The following FBXL7 variants were observed in gnomAD, a reference collection of about 807,000 sequenced individuals.
The protein encoded by FBXL7 is F-box and leucine rich repeat protein 7.
In FBXL7, 12 loss-of-function variants were observed where a neutral mutation model predicts 38.3. The observed-to-expected ratio is 0.31, with a 90% CI of 0.20 to 0.51. FBXL7 has a LOEUF of 0.51. Ranked by LOEUF, FBXL7 falls within the 20% of genes least tolerant of loss-of-function variation. FBXL7 has a pLI of 0.98. For synonymous variants in FBXL7, 297 were observed against 300.9 expected (o/e 0.99, Z 0.13); for missense variants, 567 against 676.4 (o/e 0.84, Z 1.79).
intron 2 of FBXL7, among the ~76,000 whole-genome samples, chr5:15,836,741 T>C (rs2126779386): frequency 6.6e-6 from 1 of 152,292 alleles, no homozygotes; most frequent in South Asian, 2.1e-4. Flanking sequence ...AGAGGTACTC[T>C]TCAAGTTTAG....
At chr5:15,524,404 A>G (rs1015548761) in intron 1 of FBXL7, among the ~76,000 whole-genome samples, 2 of 152,352 alleles carry the variant, frequency 1.3e-5, no homozygotes, top group African/African-American at 4.8e-5. Context: ...GACCTCTTCC[A>G]AGGAAACCTA....
chr5:15,835,480 G>C (rs1738569680), intron 2 of FBXL7, among the ~76,000 whole-genome samples: 1 of 152,180 alleles, frequency 6.6e-6, no homozygotes, highest in East Asian at 1.9e-4. Flanking sequence ...ATCATGTTTA[G>C]AAAGGTCACA....
intron 2 of FBXL7, among the ~76,000 whole-genome samples, chr5:15,865,492 C>T (rs1008669189): frequency 1.3e-5 from 2 of 152,148 alleles, no homozygotes; most frequent in Non-Finnish European, 2.9e-5. Flanking sequence ...AGACTTAATT[C>T]CTGCACTGCA....
chr5:15,508,618 T>A (rs1046618878), intron 1 of FBXL7, among the ~76,000 whole-genome samples: 4 of 152,176 alleles, frequency 2.6e-5, no homozygotes, highest in African/African-American at 9.6e-5. Flanking sequence ...TGAACCACGT[T>A]CCCTAGGAAA....
chr5:15,879,082 ATTAT>A (rs1740332804), intron 2 of FBXL7, among the ~76,000 whole-genome samples: 2 of 152,308 alleles, frequency 1.3e-5, no homozygotes, highest in South Asian at 4.1e-4. Context: ...TTTCTCAAGA[ATTAT>A]TTCTGTCTTG....
rs566245060 is a variant in FBXL7, at chr5:15,613,516, G to C, written c.38-2467G>C. Among the ~76,000 whole-genome samples, 4 of 152,278 alleles carry C rather than the reference G, an allele frequency of 2.6e-5. No homozygotes were observed. In the South Asian group the frequency reaches 8.3e-4, roughly 32 times the overall value. ...GCTGTGGAAGGGGTGGGGACGAAGG[G>C]AATAACAGATTTGTTCAGAGCCTAA... On this transcript the variant is annotated intron_variant, in intron 1 of 3. Transcript: ENST00000504595.
At chr5:15,583,613 T>G (rs939530826) in intron 1 of FBXL7, among the ~76,000 whole-genome samples, 2 of 152,202 alleles carry the variant, frequency 1.3e-5, no homozygotes, top group African/African-American at 4.8e-5. Context: ...AGCTCCAAAA[T>G]GATCTCCTTT....
At chr5:15,904,793 A>C (rs571671737) in intron 2 of FBXL7, among the ~76,000 whole-genome samples, 2 of 152,246 alleles carry the variant, frequency 1.3e-5, no homozygotes, top group East Asian at 3.9e-4. Context: ...AAAAGTACTA[A>C]TATCTGGCCA....
intron 1 of FBXL7, among the ~76,000 whole-genome samples, chr5:15,539,496 T>C (rs1737676295): frequency 6.6e-6 from 1 of 152,178 alleles, no homozygotes; most frequent in Non-Finnish European, 1.5e-5. Context: ...GTTTTCCATT[T>C]GGGCTGTGTT....
chr5:15,616,545 GTTTC>G (rs1204188171), intron 2 of FBXL7, among the ~76,000 whole-genome samples: 3 of 152,122 alleles, frequency 2.0e-5, no homozygotes, highest in Non-Finnish European at 2.9e-5. Flanking sequence ...AAAAAAGGGG[GTTTC>G]TTTATTATTA....
At chr5:15,591,215 G>A (rs761498119) in intron 1 of FBXL7, among the ~76,000 whole-genome samples, 15 of 152,030 alleles carry the variant, frequency 9.9e-5, no homozygotes, top group Non-Finnish European at 1.8e-4. Flanking sequence ...GGATCACGAG[G>A]TCAGGAGATG....
intron 2 of FBXL7, among the ~76,000 whole-genome samples, chr5:15,648,298 G>T (rs1741597728): frequency 6.6e-6 from 1 of 152,096 alleles, no homozygotes; most frequent in Non-Finnish European, 1.5e-5. Context: ...ATTTACATGT[G>T]AGTTGGAAGT....
intron 2 of FBXL7, among the ~76,000 whole-genome samples, chr5:15,829,905 CTAG>C (rs1156431684): frequency 1.3e-5 from 2 of 152,102 alleles, no homozygotes; most frequent in African/African-American, 4.8e-5. Flanking sequence ...TCTGTCTTCT[CTAG>C]TACAGTATAA....
intron 2 of FBXL7, among the ~76,000 whole-genome samples, chr5:15,730,074 G>A (rs1310200862): frequency 6.6e-6 from 1 of 152,066 alleles, no homozygotes; most frequent in East Asian, 1.9e-4. Flanking sequence ...TTCTGCTATC[G>A]AGTTAACAAG....
chr5:15,612,360 T>G (rs192853727), intron 1 of FBXL7, among the ~76,000 whole-genome samples: 18 of 152,306 alleles, frequency 1.2e-4, no homozygotes, highest in African/African-American at 3.4e-4. Context: ...ATGAAACATA[T>G]GCACTTAGTG....
intron 2 of FBXL7, among the ~76,000 whole-genome samples, chr5:15,921,408 C>G (rs1741738185): frequency 6.6e-6 from 1 of 150,626 alleles, no homozygotes; most frequent in Non-Finnish European, 1.5e-5. Flanking sequence ...AATCAACCAG[C>G]AGTATCCCTT....
At chr5:15,717,134 T>A (rs1198924434) in intron 2 of FBXL7, among the ~76,000 whole-genome samples, 2 of 152,114 alleles carry the variant, frequency 1.3e-5, no homozygotes. Flanking sequence ...AAGTCCAGAG[T>A]CTCCTGACAG....
At chr5:15,505,036 G>A (rs1204601613) in intron 1 of FBXL7, among the ~76,000 whole-genome samples, 1 of 152,188 alleles carries the variant, frequency 6.6e-6, no homozygotes, top group East Asian at 1.9e-4. Context: ...TCTACCAAGG[G>A]CAGTGAATTC....
At chr5:15,930,884 A>G (rs1359769962) in intron 3 of FBXL7, among the ~76,000 whole-genome samples, 2 of 152,170 alleles carry the variant, frequency 1.3e-5, no homozygotes, top group African/African-American at 2.4e-5. Flanking sequence ...GGAAATTGTT[A>G]TGTTGATGCA....
Sources: gnomAD v4.1 joint callset for allele counts (sites outside exome capture counted in the v4.1 genomes callset) on GRCh38, gnomAD v4.1.1 for gene constraint, MANE v1.5 for transcripts, NCBI Gene and HGNC (gene_info 2026-07-23, HGNC 2026-07-21) for gene names.